The following FHIP2A variants were observed in gnomAD, a reference collection of about 807,000 sequenced individuals.
FHIP2A encodes the protein family with sequence similarity 160 member B1.
FHIP2A carries 46 observed loss-of-function variants against 93.5 expected under a neutral mutation model. The ratio of observed to expected loss-of-function variants is 0.49; its 90% CI spans 0.39 to 0.63. The LOEUF is 0.63. Ranked by LOEUF, FHIP2A falls within the 20% of genes least tolerant of loss-of-function variation. The pLI, the probability that FHIP2A is intolerant of heterozygous loss-of-function variation, is 0.00. For synonymous variants in FHIP2A, 332 were observed against 326.5 expected, an observed-to-expected ratio of 1.02 and a Z score of -0.18; for missense variants, 769 against 909.7, an observed-to-expected ratio of 0.85 and a Z score of 1.99.
intron 13 of FHIP2A, among the ~76,000 whole-genome samples, chr10:114,851,922 T>G (rs2143012203): frequency 6.6e-6 from 1 of 152,274 alleles, no homozygotes; most frequent in Admixed American, 6.5e-5. Context: ...CTTCCTTCAT[T>G]AAATCTATTC....
intron 16 of FHIP2A, among the ~76,000 whole-genome samples, chr10:114,879,886 G>A (rs1176708519): frequency 1.3e-5 from 2 of 152,148 alleles, no homozygotes; most frequent in Non-Finnish European, 2.9e-5. Flanking sequence ...CTTGAGCTCC[G>A]AGGCTCAAGG....
rs1415080538 is a variant in FHIP2A, at chr10:114,864,640, G to A, written c.*3100G>A. 3.0e-6 allele frequency: 3 copies of A among 985,574 alleles called. No homozygotes were observed. The African/African-American group carries it at 5.2e-5, about 17-fold the overall frequency. 61.1% of individuals were successfully genotyped at this position (985,574 alleles called of 1,614,324 possible). A position where few individuals can be genotyped will look rare whatever the true frequency, so the allele number is the denominator to read the frequency against. ...TCTCTTCAAAGGAAGTTGTGATCAAGTTCAACTTTTTGTGCTAACAATGCA... is the reference window on the plus strand; with the variant it reads ...TCTCTTCAAAGGAAGTTGTGATCAAATTCAACTTTTTGTGCTAACAATGCA... On this transcript the variant is annotated 3_prime_UTR_variant, in exon 17 of 17. Transcript: ENST00000369248.
At chr10:114,872,380 G>T (rs1592029863) in intron 16 of FHIP2A, among the ~76,000 whole-genome samples, 1 of 152,178 alleles carries the variant, frequency 6.6e-6, no homozygotes, top group Non-Finnish European at 1.5e-5. Context: ...AAGTCTATGA[G>T]TTCAATTTAC....
intron 7 of FHIP2A, among the ~76,000 whole-genome samples, chr10:114,844,337 T>C (rs1349888356): frequency 6.6e-6 from 1 of 152,204 alleles, no homozygotes. Context: ...CTTTCACCTC[T>C]TCTTCCTACC....
At chr10:114,883,670 C>T (rs556705398) in intron 16 of FHIP2A, among the ~76,000 whole-genome samples, 14 of 152,328 alleles carry the variant, frequency 9.2e-5, no homozygotes, top group African/African-American at 3.1e-4. Flanking sequence ...CAACCTCCGC[C>T]TCCCAGGTTC....
intron 3 of FHIP2A, among the ~76,000 whole-genome samples, chr10:114,833,790 A>T (rs981394403): frequency 1.3e-5 from 2 of 152,232 alleles, no homozygotes; most frequent in African/African-American, 4.8e-5. Flanking sequence ...TAAACTGTTA[A>T]GTGGAGCCAA....
chr10:114,868,924 C>T (rs1474324823), downstream of FHIP2A, among the ~76,000 whole-genome samples: 1 of 152,078 alleles, frequency 6.6e-6, no homozygotes, highest in Non-Finnish European at 1.5e-5. Context: ...AGGCTGAGAA[C>T]TATAATCATA....
In FHIP2A at chr10:114,847,207, A is replaced by T; in HGVS notation, c.1686A>T (p.Lys562Asn). The T allele has an allele frequency of 1.2e-6, 2 of 1,612,178 alleles. No homozygotes were observed. Among genetic ancestry groups the T allele is most frequent in the East Asian group, 2.2e-5 (1 of 44,822 alleles). The change falls in exon 12 of 17, where the codon AAA becomes AAT. Residue 562 changes from lysine (K) to asparagine (N), a missense_variant. By Grantham distance (94) the Lys-to-Asn change is moderately conservative (BLOSUM62 0). Transcript: ENST00000369248. The stretch of plus-strand genomic sequence containing the variant: ...CAGACCACCCCAAAAATGATGGAAA[A>T]ACTGAAGTTCATAAAATTGTAAATA... ...ATPDHPKNDG[K>N]TEVHKIVNSF...
chr10:114,834,399 T>C (rs1187180707), intron 3 of FHIP2A, among the ~76,000 whole-genome samples: 2 of 152,208 alleles, frequency 1.3e-5, no homozygotes, highest in African/African-American at 4.8e-5. Flanking sequence ...TAATTGTACG[T>C]CTAGTAAATT....
intron 8 of FHIP2A, 135 bp from the exon 9 acceptor site, chr10:114,845,878 A>C: frequency 1.5e-6 from 1 of 662,736 alleles, no homozygotes; most frequent in Non-Finnish European, 2.6e-6. Context: ...TTTATATGCC[A>C]CCAATAAGAG....
At chr10:114,890,318 A>G (rs1422030385) in intron 16 of FHIP2A, among the ~76,000 whole-genome samples, 1 of 151,996 alleles carries the variant, frequency 6.6e-6, no homozygotes, top group Non-Finnish European at 1.5e-5. Context: ...ATGAGGCACC[A>G]TGCCCAGCCT....
At chr10:114,840,386 T>C (rs2083662175) in intron 5 of FHIP2A, among the ~76,000 whole-genome samples, 1 of 152,178 alleles carries the variant, frequency 6.6e-6, no homozygotes, top group Non-Finnish European at 1.5e-5. Flanking sequence ...TCAAAGGCTT[T>C]GAATGACAAG....
In FHIP2A at chr10:114,863,367, C is replaced by T. The variant is rs2143013463; in HGVS notation, c.*1827C>T. On this transcript the variant is annotated 3_prime_UTR_variant, in exon 17 of 17. Coordinates refer to ENST00000369248, the MANE Select transcript of FHIP2A (RefSeq NM_020940.4). ...AGGCATTAAGAGATATTAGATATTT[C>T]TTAATGTTTTCATAGTGCTCAATAG... 1 of 993,384 alleles carries T rather than the reference C, an allele frequency of 1.0e-6. No individual in the cohort carries two copies. Among genetic ancestry groups the T allele is most frequent in the Non-Finnish European group, 1.2e-6 (1 of 833,724 alleles). 61.5% of individuals were successfully genotyped at this position (993,384 alleles called of 1,614,324 possible).
Position 114,861,671 on chromosome 10 carries a change from C to A in FHIP2A, c.*131C>A. ...AGTATTGCTGTAAACTGGACAGAACCATTAAGAACCTATTGAGTGGACATT... is the reference window on the plus strand; with the variant it reads ...AGTATTGCTGTAAACTGGACAGAACAATTAAGAACCTATTGAGTGGACATT... On this transcript the variant is annotated 3_prime_UTR_variant, in exon 17 of 17. Transcript: ENST00000369248. 7.0e-7 allele frequency: 1 copy of A among 1,437,180 alleles called. No homozygotes were observed. 89.0% of individuals were successfully genotyped at this position (1,437,180 alleles called of 1,614,324 possible).
chr10:114,851,345 G>A (rs2083734766), intron 13 of FHIP2A, among the ~76,000 whole-genome samples: 1 of 152,098 alleles, frequency 6.6e-6, no homozygotes. Flanking sequence ...GAGTTTCATA[G>A]TTTTAGTTTA....
downstream of FHIP2A, among the ~76,000 whole-genome samples, chr10:114,865,851 G>C (rs2083826408): frequency 6.6e-6 from 1 of 151,736 alleles, no homozygotes; most frequent in South Asian, 2.1e-4. Flanking sequence ...CACTGCATGT[G>C]AGTTTGTTTA....
chr10:114,873,018 G>A (rs912563506), intron 16 of FHIP2A, among the ~76,000 whole-genome samples: 20 of 152,166 alleles, frequency 1.3e-4, no homozygotes, highest in Admixed American at 8.5e-4. Context: ...TGTAATACAG[G>A]GCTAAAAATA....
At chr10:114,859,884 G>A (rs2083787621) in intron 14 of FHIP2A, among the ~76,000 whole-genome samples, 1 of 152,110 alleles carries the variant, frequency 6.6e-6, no homozygotes, top group African/African-American at 2.4e-5. Flanking sequence ...TCCACTTTGA[G>A]GCATAGGGTC....
At chr10:114,822,465 G>GCAC (rs1337981628) in intron 1 of FHIP2A, among the ~76,000 whole-genome samples, 3 of 152,214 alleles carry the variant, frequency 2.0e-5, no homozygotes, top group Non-Finnish European at 4.4e-5. Flanking sequence ...GGTTCGGGGA[G>GCAC]CACCTGGCGG....
Sources: allele counts gnomAD v4.1 joint callset (sites outside exome capture counted in the v4.1 genomes callset), GRCh38; gene constraint gnomAD v4.1.1; transcripts MANE v1.5; gene names NCBI Gene and HGNC (gene_info 2026-07-23, HGNC 2026-07-21).